Variants in USP34 observed in about 807,000 individuals in gnomAD.
The protein encoded by USP34 is ubiquitin specific peptidase 34, also known as ubiquitin carboxyl-terminal hydrolase 34.
Under a neutral mutation model 460.3 loss-of-function variants are expected in USP34, and 70 were observed. The ratio of observed to expected loss-of-function variants is 0.15; its 90% CI spans 0.13 to 0.19. The LOEUF (loss-of-function observed/expected upper bound fraction) is 0.19, where lower values mean the gene tolerates loss of function less well. Ranked by LOEUF, USP34 falls within the 10% of genes least tolerant of loss-of-function variation. The pLI is 1.00. For synonymous variants in USP34, 1,647 were observed against 1,405.3 expected, an observed-to-expected ratio of 1.17 and a Z score of -3.85; for missense variants, 3,985 against 4,236.2, an observed-to-expected ratio of 0.94 and a Z score of 1.65.
At chr2:61,260,421 T>C (rs1688844184) in intron 43 of USP34, among the ~76,000 whole-genome samples, 1 of 152,198 alleles carries the variant, frequency 6.6e-6, no homozygotes, top group Admixed American at 6.5e-5. Context: ...ATAAAGTAGG[T>C]ATTATTCTTA....
intron 41 of USP34, 69 bp downstream of exon 41, chr2:61,278,096 A>G (rs1303552800): frequency 1.9e-6 from 3 of 1,571,114 alleles, no homozygotes; most frequent in East Asian, 4.5e-5. Flanking sequence ...AAAACGGACT[A>G]ATACACAATG....
chr2:61,386,104 A>G (rs1285511656), intron 5 of USP34, among the ~76,000 whole-genome samples: 1 of 152,148 alleles, frequency 6.6e-6, no homozygotes, highest in Non-Finnish European at 1.5e-5. Context: ...AAAACAGCAC[A>G]AAATTAGGCA....
intron 20 of USP34, among the ~76,000 whole-genome samples, chr2:61,329,625 G>A (rs984040906): frequency 2.6e-5 from 4 of 152,132 alleles, no homozygotes; most frequent in African/African-American, 9.7e-5. Context: ...ATACTAAGCT[G>A]AAGAGATTGG....
chr2:61,444,878 CT>C (rs1169076742), intron 1 of USP34, among the ~76,000 whole-genome samples: 1 of 149,036 alleles, frequency 6.7e-6, no homozygotes, highest in Non-Finnish European at 1.5e-5. Context: ...TTCCTTCTGC[CT>C]TATCGTTTCT....
At chr2:61,355,611 AAC>A (rs1692079408) in intron 10 of USP34, among the ~76,000 whole-genome samples, 1 of 132,538 alleles carries the variant, frequency 7.5e-6, no homozygotes, top group African/African-American at 3.5e-5. Context: ...TCACTACAAA[AAC>A]AACAACAACA....
intron 35 of USP34, among the ~76,000 whole-genome samples, chr2:61,283,777 A>G (rs1293038952): frequency 6.6e-6 from 1 of 152,178 alleles, no homozygotes; most frequent in African/African-American, 2.4e-5. Context: ...CACCACACTC[A>G]GCTAATTTTT....
intron 3 of USP34, among the ~76,000 whole-genome samples, chr2:61,401,396 C>G (rs1558573236): frequency 6.6e-6 from 1 of 151,914 alleles, no homozygotes; most frequent in African/African-American, 2.4e-5. Context: ...CACCACTACG[C>G]CCAGTTAATT....
intron 3 of USP34, among the ~76,000 whole-genome samples, chr2:61,397,441 T>TA (rs35650295): frequency 1.1e-3 from 141 of 131,276 alleles, no homozygotes; most frequent in Non-Finnish European, 1.2e-3. Flanking sequence ...AGGCTCCATC[T>TA]AAAAAAAAAA....
intron 6 of USP34, among the ~76,000 whole-genome samples, chr2:61,380,961 A>G (rs1231762820): frequency 6.6e-6 from 1 of 152,182 alleles, no homozygotes; most frequent in Non-Finnish European, 1.5e-5. Flanking sequence ...AACCTAGACC[A>G]TCCAGTTTCA....
At chr2:61,337,694 A>C (rs1001663374) in intron 18 of USP34, among the ~76,000 whole-genome samples, 1 of 152,110 alleles carries the variant, frequency 6.6e-6, no homozygotes, top group Non-Finnish European at 1.5e-5. Flanking sequence ...GGACTCATGC[A>C]ATCCACCTAC....
In USP34 at chr2:61,314,888, G is replaced by A. The variant is rs1189234785; in HGVS notation, c.3369C>T (p.Ser1123=). 1 of 1,611,218 alleles carries A rather than the reference G, an allele frequency of 6.2e-7. No individual in the cohort carries two copies. The highest frequency in any genetic ancestry group is 1.7e-5 in the Admixed American group (1 of 59,310). ...CAAATCACTTACCATTAATATAATA[G>A]GAGTTAATATACTGGATAGCTGCTC... ...VSRAAIQYIN[S]YYINGKTGLE... The change falls in exon 24 of 80, where the codon TCC becomes TCT. Residue 1123 remains serine (S), a synonymous_variant. Transcript: ENST00000398571.
chr2:61,301,103 G>C lies in USP34; in HGVS notation c.3976C>G (p.Leu1326Val). The change falls in exon 29 of 80, where the codon CTG becomes GTG. Residue 1326 changes from leucine to valine, a missense_variant. Transcript: ENST00000398571. Reference sequence around the variant, plus strand: ...GGGGGTGGGAGGCAAGATGCTGGCAGCTGAACACCTTCCCCTTTCCGCTCT... The same window carrying C: ...GGGGGTGGGAGGCAAGATGCTGGCACCTGAACACCTTCCCCTTTCCGCTCT... Reference protein sequence around the residue: ...RRERKGEGVQLPASCLPPPQK... With the variant: ...RRERKGEGVQVPASCLPPPQK... 6.2e-7 allele frequency: 1 copy of C among 1,614,066 alleles called. No individual in the cohort carries two copies.
intron 68 of USP34, 46 bp downstream of exon 68, chr2:61,214,014 C>T (rs779740351): frequency 2.2e-5 from 36 of 1,604,116 alleles, no homozygotes; most frequent in Non-Finnish European, 2.8e-5. Flanking sequence ...ACAGGTATTT[C>T]CAATCTATTT....
At chr2:61,425,903 G>C (rs371662896) in intron 1 of USP34, among the ~76,000 whole-genome samples, 8 of 151,926 alleles carry the variant, frequency 5.3e-5, no homozygotes, top group South Asian at 2.1e-4. Context: ...AAGGAAGAGT[G>C]GGGGGGACTC....
intron 44 of USP34, among the ~76,000 whole-genome samples, chr2:61,257,837 T>A (rs932954298): frequency 6.6e-6 from 1 of 152,144 alleles, no homozygotes; most frequent in Non-Finnish European, 1.5e-5. Flanking sequence ...ATCGTGCCAC[T>A]GCACTCCAGC....
intron 66 of USP34, among the ~76,000 whole-genome samples, chr2:61,221,160 G>C (rs1307087615): frequency 6.6e-6 from 1 of 152,170 alleles, no homozygotes; most frequent in Non-Finnish European, 1.5e-5. Flanking sequence ...TGTGACCTCA[G>C]CAGTAACTCT....
intron 1 of USP34, among the ~76,000 whole-genome samples, chr2:61,443,095 G>A (rs1009100043): frequency 6.6e-6 from 1 of 152,088 alleles, no homozygotes; most frequent in Non-Finnish European, 1.5e-5. Flanking sequence ...TTCATCTCAT[G>A]TAAGTAAAAA....
intron 1 of USP34, among the ~76,000 whole-genome samples, chr2:61,426,643 T>C (rs543419620): frequency 3.3e-5 from 5 of 152,346 alleles, no homozygotes; most frequent in Non-Finnish European, 7.3e-5. Flanking sequence ...CTTGCTGCCC[T>C]GAAGGAAGGA....
chr2:61,296,935 T>A lies in USP34; in HGVS notation c.4129-10A>T, dbSNP rs773973289. The A allele has an allele frequency of 1.9e-6, 3 of 1,604,512 alleles. No individual in the cohort carries two copies. The highest frequency in any genetic ancestry group is 1.7e-6 in the Non-Finnish European group (2 of 1,177,358). On this transcript the variant is annotated splice_polypyrimidine_tract_variant and intron_variant, in intron 29 of 79. Coordinates refer to ENST00000398571, the MANE Select transcript of USP34 (RefSeq NM_014709.4). ...CTTCACATCGTAAGCTCTACACAAATAAGAACAACTACTTTATCAAAACAG... is the reference window on the plus strand; with the variant it reads ...CTTCACATCGTAAGCTCTACACAAAAAAGAACAACTACTTTATCAAAACAG...
Sources: allele counts gnomAD v4.1 joint callset (sites outside exome capture counted in the v4.1 genomes callset), GRCh38; gene constraint gnomAD v4.1.1; transcripts MANE v1.5; gene names NCBI Gene and HGNC (gene_info 2026-07-23, HGNC 2026-07-21).